MAGED1: variants seen among roughly 807,000 people sequenced by gnomAD.
The protein encoded by MAGED1 is melanoma-associated antigen D1.
Under a neutral mutation model 54.1 loss-of-function variants are expected in MAGED1, and 3 were observed. The ratio of observed to expected loss-of-function variants is 0.06; its 90% CI spans 0.03 to 0.14. The LOEUF (loss-of-function observed/expected upper bound fraction) is 0.14, where lower values mean the gene tolerates loss of function less well. Ranked by LOEUF, MAGED1 falls within the 10% of genes least tolerant of loss-of-function variation. The probability of loss-of-function intolerance (pLI) is 1.00; values close to 1 mark genes in which losing one functional copy is unlikely to be tolerated. For missense variants in MAGED1, 485 were observed against 623.4 expected (o/e 0.78, Z 2.36); for synonymous variants, 217 against 227.3 (o/e 0.95, Z 0.41).
intron 1 of MAGED1, among the ~76,000 whole-genome samples, chrX:51,814,115 C>G (rs1192944103): frequency 3.6e-5 from 4 of 110,689 alleles, no homozygotes; most frequent in Non-Finnish European, 7.6e-5. Context: ...ATTGGGTGGT[C>G]GCTCTTGAGA....
At chrX:51,843,183 C>G (rs1271992790) in intron 1 of MAGED1, among the ~76,000 whole-genome samples, 1 of 111,719 alleles carries the variant, frequency 9.0e-6, no homozygotes, top group Non-Finnish European at 1.9e-5. Flanking sequence ...CTCATTCTGC[C>G]CCTTTCCAGG....
chrX:51,841,740 A>G (rs1156492522), intron 1 of MAGED1, among the ~76,000 whole-genome samples: 1 of 111,411 alleles, frequency 9.0e-6, no homozygotes, highest in African/African-American at 3.3e-5. Flanking sequence ...AAGATCAGAT[A>G]GTTGTAGATA....
chrX:51,896,181 A>G (rs953222937), intron 3 of MAGED1: 43 of 424,728 alleles, frequency 1.0e-4, no homozygotes, highest in Non-Finnish European at 1.5e-4. Context: ...AGTGGTGGAC[A>G]TAGGAAGAGG....
chrX:51,821,484 G>A (rs984734084), intron 1 of MAGED1, among the ~76,000 whole-genome samples: 1 of 110,983 alleles, frequency 9.0e-6, no homozygotes, highest in African/African-American at 3.3e-5. Context: ...TCGACCTCCC[G>A]GGTTCAAGTG....
At chrX:51,806,134 T>TG (rs1557355070) in intron 1 of MAGED1, among the ~76,000 whole-genome samples, 3 of 108,728 alleles carry the variant, frequency 2.8e-5, no homozygotes, top group African/African-American at 1.0e-4. Flanking sequence ...CCACCATGCC[T>TG]GGCTAACTTT....
chrX:51,894,918 C>A, intron 2 of MAGED1, 135 bp from the exon 3 acceptor site: 3 of 902,348 alleles, frequency 3.3e-6, no homozygotes, highest in East Asian at 3.3e-5. Context: ...TAGATCTCTG[C>A]CTCAGCCCCC....
intron 1 of MAGED1, among the ~76,000 whole-genome samples, chrX:51,855,541 G>A (rs1461141006): frequency 3.6e-5 from 4 of 111,301 alleles, no homozygotes; most frequent in Non-Finnish European, 7.5e-5. Flanking sequence ...CATGTAGATG[G>A]CCGTCTTCTC....
intron 1 of MAGED1, among the ~76,000 whole-genome samples, 158 bp downstream of exon 1, chrX:51,893,913 A>C (rs1453677939): frequency 9.5e-6 from 1 of 104,861 alleles, no homozygotes; most frequent in Non-Finnish European, 1.9e-5. Context: ...CCCCTGTCCG[A>C]TCCCTCCCAT....
intron 1 of MAGED1, among the ~76,000 whole-genome samples, chrX:51,872,963 C>T (rs374527534): frequency 9.0e-6 from 1 of 111,224 alleles, no homozygotes; most frequent in Non-Finnish European, 1.9e-5. Flanking sequence ...ACCAATCTGC[C>T]TCTGGGGTGG....
upstream of MAGED1, among the ~76,000 whole-genome samples, chrX:51,888,959 T>C (rs180943360): frequency 9.0e-4 from 100 of 111,697 alleles, no homozygotes; most frequent in African/African-American, 3.1e-3. Context: ...TGCCAGGGGT[T>C]AGGGATGGGG....
At chrX:51,803,722 TTC>T (rs1423124503) in intron 1 of MAGED1, among the ~76,000 whole-genome samples, 231 of 21,584 alleles carry the variant, frequency 0.011, 2 homozygotes, top group South Asian at 0.052. Flanking sequence ...CCAAATGATG[TTC>T]TTTTTTTTTT....
chrX:51,871,675 A>G (rs1488671525), intron 1 of MAGED1, among the ~76,000 whole-genome samples: 2 of 111,534 alleles, frequency 1.8e-5, no homozygotes, highest in East Asian at 2.8e-4. Context: ...TCTATCATTG[A>G]TGGACATTTG....
chrX:51,872,931 C>T (rs1557361722), intron 1 of MAGED1, among the ~76,000 whole-genome samples: 1 of 111,352 alleles, frequency 9.0e-6, no homozygotes. Flanking sequence ...AGGTAGCCAG[C>T]AATCCACAAG....
intron 1 of MAGED1, among the ~76,000 whole-genome samples, chrX:51,803,708 T>G (rs1420078635): frequency 6.2e-5 from 5 of 80,316 alleles, no homozygotes; most frequent in Admixed American, 3.2e-4. Context: ...GCATAGGCAC[T>G]TGTCCAAATG....
In MAGED1 at chrX:51,895,086, A is replaced by G. The variant is rs782630514; in HGVS notation, c.79A>G (p.Met27Val). The G allele has an allele frequency of 2.5e-6, 3 of 1,211,491 alleles. No individual in the cohort carries two copies. Among genetic ancestry groups the G allele is most frequent in the Admixed American group, 4.3e-5 (2 of 46,085 alleles). Reference sequence around the variant, plus strand: ...CTCCGTAGAAGACAGCGCCTTGCTTATGCAGACCTTGATGGAGGCCATCCA... The same window carrying G: ...CTCCGTAGAAGACAGCGCCTTGCTTGTGCAGACCTTGATGGAGGCCATCCA... ...EASVEDSALL[M>V]QTLMEAIQIS... Residue 27 changes from methionine to valine, a missense_variant, in exon 3 of 13, where the codon ATG becomes GTG. Met to Val is a conservative substitution (Grantham distance 21). Coordinates refer to ENST00000326587, the MANE Select transcript of MAGED1 (RefSeq NM_006986.4).
intron 1 of MAGED1, among the ~76,000 whole-genome samples, chrX:51,811,407 G>T (rs1202570380): frequency 8.9e-6 from 1 of 111,988 alleles, no homozygotes; most frequent in Non-Finnish European, 1.9e-5. Context: ...CCATCTGACA[G>T]ATACTGCATG....
At chrX:51,859,918 G>A (rs782495904) in intron 1 of MAGED1, among the ~76,000 whole-genome samples, 1 of 105,085 alleles carries the variant, frequency 9.5e-6, no homozygotes, top group African/African-American at 3.3e-5. Flanking sequence ...CTGGGCAACA[G>A]AGTGAGATTC....
intron 1 of MAGED1, among the ~76,000 whole-genome samples, chrX:51,855,588 A>T (rs781966034): frequency 9.1e-6 from 1 of 110,311 alleles, no homozygotes; most frequent in African/African-American, 3.3e-5. Context: ...TTCTCTGTAT[A>T]TCTCTGTCTT....
Position 51,896,526 on chromosome X carries a change from C to A in MAGED1, c.871C>A (p.Pro291Thr), listed in dbSNP as rs781843206. 1.8e-5 allele frequency: 22 copies of A among 1,209,858 alleles called. No individual in the cohort carries two copies. Among genetic ancestry groups the A allele is most frequent in the Middle Eastern group, 4.6e-4 (2 of 4,353 alleles). Residue 291 changes from proline (P) to threonine (T), a missense_variant, in exon 4 of 13, where the codon CCC becomes ACC. By Grantham distance (38) the Pro-to-Thr change is conservative. This residue lies in a region of MAGED1 where 299 missense variants were observed against 293.1 expected (regional missense o/e 1.02). Transcript: ENST00000326587. ...PVTTQNPPGA[P>T]PNVLWQTPLA... ...GACCACTCAGAACCCACCTGGCGCACCCCCCAATGTGCTCTGGCAGACGCC... is the reference window on the plus strand; with the variant it reads ...GACCACTCAGAACCCACCTGGCGCAACCCCCAATGTGCTCTGGCAGACGCC...
Sources: allele counts gnomAD v4.1 joint callset (sites outside exome capture counted in the v4.1 genomes callset), GRCh38; gene constraint gnomAD v4.1.1; regional missense constraint gnomAD v4.1.1; transcripts MANE v1.5; gene names NCBI Gene and HGNC (gene_info 2026-07-23, HGNC 2026-07-21).